The following AOAH variants were observed in gnomAD, a reference collection of about 807,000 sequenced individuals.
The protein encoded by AOAH is acyloxyacyl hydrolase, also known as acyloxyacyl hydrolase (neutrophil).
Under a neutral mutation model 92.2 loss-of-function variants are expected in AOAH, and 64 were observed. The ratio of observed to expected loss-of-function variants is 0.69; its 90% CI spans 0.57 to 0.86. AOAH has a LOEUF of 0.86. Ranked by LOEUF, AOAH falls within the 40% of genes least tolerant of loss-of-function variation. AOAH has a pLI of 0.00. For synonymous variants in AOAH, 263 were observed against 254.5 expected (o/e 1.03, Z -0.32); for missense variants, 656 against 694.6 (o/e 0.94, Z 0.62).
At chr7:36,559,128 C>T (rs972948843) in intron 13 of AOAH, among the ~76,000 whole-genome samples, 1 of 152,246 alleles carries the variant, frequency 6.6e-6, no homozygotes, top group African/African-American at 2.4e-5. Context: ...GCTCCTCCCA[C>T]ATTTTCTTTA....
chr7:36,654,812 C>T (rs936216178), intron 4 of AOAH, among the ~76,000 whole-genome samples: 7 of 152,154 alleles, frequency 4.6e-5, no homozygotes, highest in Admixed American at 1.3e-4. Flanking sequence ...GCAGAGAGCA[C>T]GGTGAATGAG....
In AOAH at chr7:36,548,613, C is replaced by T; in HGVS notation, c.1132G>A (p.Gly378Arg). ...AAATACTTTTTCTCAATAACTCACC[C>T]ACTGCAGACATCATTTCCAATCATG... ...YAMIGNDVCS[G>R]KSDPVPAMTT... is the part of the protein sequence containing the mutation. The change falls in exon 15 of 21, where the codon GGG becomes AGG. Residue 378 changes from glycine to arginine, a missense_variant and splice_region_variant. Physicochemically the swap from Gly to Arg is moderately radical, Grantham distance 125. Coordinates refer to ENST00000617537, the MANE Select transcript of AOAH (RefSeq NM_001637.4). 6.2e-7 allele frequency: 1 copy of T among 1,613,060 alleles called. No homozygotes were observed. Among genetic ancestry groups the T allele is most frequent in the Non-Finnish European group, 8.5e-7 (1 of 1,179,164 alleles).
At chr7:36,561,003 T>C (rs1366484746) in intron 13 of AOAH, among the ~76,000 whole-genome samples, 1 of 151,846 alleles carries the variant, frequency 6.6e-6, no homozygotes, top group African/African-American at 2.4e-5. Context: ...TTCTGAATAG[T>C]ATCTATGGGG....
intron 13 of AOAH, among the ~76,000 whole-genome samples, chr7:36,572,694 T>A (rs1428265916): frequency 1.3e-5 from 2 of 152,204 alleles, no homozygotes; most frequent in African/African-American, 2.4e-5. Flanking sequence ...AGCAGCCCCA[T>A]GAAGCTCAGG....
intron 3 of AOAH, among the ~76,000 whole-genome samples, chr7:36,670,473 T>C (rs1468444596): frequency 6.6e-6 from 1 of 152,326 alleles, no homozygotes; most frequent in East Asian, 1.9e-4. Context: ...GCCCACCTCA[T>C]GCTAGCGAGA....
chr7:36,579,742 C>T (rs1296364240), intron 12 of AOAH, among the ~76,000 whole-genome samples: 1 of 152,160 alleles, frequency 6.6e-6, no homozygotes, highest in African/African-American at 2.4e-5. Flanking sequence ...TATATTCTAG[C>T]CATGCTGGCA....
intron 1 of AOAH, among the ~76,000 whole-genome samples, chr7:36,714,862 G>A (rs1297005014): frequency 3.3e-5 from 5 of 152,152 alleles, no homozygotes; most frequent in Admixed American, 1.3e-4. Context: ...CAAACCCACA[G>A]CCAATATCAT....
chr7:36,718,618 G>A (rs1176369460), intron 1 of AOAH, among the ~76,000 whole-genome samples: 1 of 152,154 alleles, frequency 6.6e-6, no homozygotes, highest in Admixed American at 6.5e-5. Flanking sequence ...ATATTATTCA[G>A]CTGTAAGAAG....
intron 1 of AOAH, among the ~76,000 whole-genome samples, chr7:36,694,611 C>T (rs1797597850): frequency 6.6e-6 from 1 of 152,132 alleles, no homozygotes; most frequent in Non-Finnish European, 1.5e-5. Flanking sequence ...GCTTTATATA[C>T]ATTTTTGTCT....
chr7:36,715,714 G>A (rs9690435), intron 1 of AOAH, among the ~76,000 whole-genome samples: 119,402 of 131,692 alleles, frequency 0.91, 54,459 homozygotes, highest in East Asian at 1. Flanking sequence ...GAGAAAAACA[G>A]GCAATGGGGA....
intron 11 of AOAH, among the ~76,000 whole-genome samples, chr7:36,615,231 G>T (rs1791773916): frequency 6.6e-6 from 1 of 152,132 alleles, no homozygotes; most frequent in African/African-American, 2.4e-5. Context: ...TGTAAAACTG[G>T]CATTGCATAA....
intron 1 of AOAH, among the ~76,000 whole-genome samples, chr7:36,720,202 C>T (rs1424645484): frequency 1.3e-5 from 2 of 151,582 alleles, no homozygotes; most frequent in South Asian, 2.1e-4. Flanking sequence ...CAGGCTGGAG[C>T]GTGGTGATGT....
At chr7:36,590,650 C>T (rs1438821879) in intron 12 of AOAH, among the ~76,000 whole-genome samples, 1 of 152,202 alleles carries the variant, frequency 6.6e-6, no homozygotes, top group African/African-American at 2.4e-5. Flanking sequence ...GCTGTTGACA[C>T]CCATAGCAGA....
At chr7:36,575,900 G>A (rs899149391) in intron 13 of AOAH, among the ~76,000 whole-genome samples, 4 of 152,164 alleles carry the variant, frequency 2.6e-5, no homozygotes, top group African/African-American at 7.2e-5. Flanking sequence ...GCTGTGTTTC[G>A]AGAACTGCTG....
rs537257943 is a variant in AOAH at position 36,530,591 on chromosome 7, G to A, written c.1426-77C>T. The stretch of plus-strand genomic sequence containing the variant: ...AGTGAGACAATTCAGGCAGAACAAA[G>A]AAATCGATCTTCCCCATCCTACTCT... On this transcript the variant is annotated intron_variant, in intron 18 of 20. Coordinates refer to ENST00000617537, the MANE Select transcript of AOAH (RefSeq NM_001637.4). 16 of 927,844 alleles carry A rather than the reference G, an allele frequency of 1.7e-5. No homozygotes were observed. The South Asian group carries it at 1.8e-4, about 10-fold the overall frequency. The allele number at this position is 927,844 out of a possible 1,614,324, so 57.5% of individuals were successfully genotyped here.
At chr7:36,637,797 G>T in intron 5 of AOAH, 54 bp downstream of exon 5, 12 of 1,543,748 alleles carry the variant, frequency 7.8e-6, no homozygotes, top group Non-Finnish European at 1.1e-5. Flanking sequence ...GCCGGGGCCA[G>T]TGAGAGAGGA....
At chr7:36,723,278 T>C (rs17170682) in intron 1 of AOAH, among the ~76,000 whole-genome samples, 21,661 of 152,096 alleles carry the variant, frequency 0.14, 1,611 homozygotes, top group Non-Finnish European at 0.17. Context: ...AGAATTCCCA[T>C]GTTATGAGAG....
rs372121442 is a variant in AOAH, at chr7:36,623,276, G to A, written c.522-26C>T. 184 of 1,606,258 alleles carry A rather than the reference G, an allele frequency of 1.1e-4. No individual in the cohort carries two copies. The African/African-American group carries it at 1.7e-3, about 15-fold the overall frequency. ...CTAGGAAAAAGAAAACAAAACAATC[G>A]GTGAGCTAACAAAAAAAGTAACAGT... On this transcript the variant is annotated intron_variant, in intron 6 of 20. Coordinates refer to ENST00000617537, the MANE Select transcript of AOAH (RefSeq NM_001637.4).
intron 15 of AOAH, among the ~76,000 whole-genome samples, chr7:36,548,279 G>A (rs1785935012): frequency 6.6e-6 from 1 of 152,168 alleles, no homozygotes. Flanking sequence ...TCTGTCTCCT[G>A]GGTTCAAGTG....
Sources: allele counts gnomAD v4.1 joint callset (sites outside exome capture counted in the v4.1 genomes callset), GRCh38; gene constraint gnomAD v4.1.1; transcripts MANE v1.5; gene names NCBI Gene and HGNC (gene_info 2026-07-23, HGNC 2026-07-21).